The following SLC38A12 variants were observed in gnomAD, a reference collection of about 807,000 sequenced individuals.
The protein encoded by SLC38A12 is solute carrier family 38 member 12, also known as putative sodium-coupled neutral amino acid transporter 12.
At chr17:74,838,862 T>C in the SLC38A12 span, 1 of 1,531,208 alleles carries the variant, frequency 6.5e-7, no homozygotes, top group Non-Finnish European at 8.7e-7. Flanking sequence ...GTAGGCAAGC[T>C]CAGCTTGTGG....
the SLC38A12 span, chr17:74,777,326 T>C: frequency 6.2e-7 from 1 of 1,614,226 alleles, no homozygotes; most frequent in East Asian, 2.2e-5. Flanking sequence ...TCCTCACTTT[T>C]GGAAATGGCG....
At chr17:74,817,564 A>G in the SLC38A12 span, among the ~76,000 whole-genome samples, 5 of 152,192 alleles carry the variant, frequency 3.3e-5, no homozygotes, top group Admixed American at 2.6e-4. Context: ...AATACCTTTC[A>G]GAGGTACATC....
the SLC38A12 span, among the ~76,000 whole-genome samples, chr17:74,782,213 G>A: frequency 6.4e-4 from 98 of 152,176 alleles, no homozygotes; most frequent in African/African-American, 2.4e-4. Flanking sequence ...GATTACAGGC[G>A]TGCACCATCA....
At chr17:74,786,377 C>T in the SLC38A12 span, among the ~76,000 whole-genome samples, 1 of 152,310 alleles carries the variant, frequency 6.6e-6, no homozygotes, top group Non-Finnish European at 1.5e-5. Context: ...GAGAGGTGAC[C>T]CTGCCCCATC....
the SLC38A12 span, chr17:74,777,432 G>C: frequency 6.2e-7 from 1 of 1,611,894 alleles, no homozygotes; most frequent in East Asian, 2.2e-5. Flanking sequence ...TTCTAGAAAA[G>C]CACATTGCTT....
At chr17:74,825,374 G>T in the SLC38A12 span, among the ~76,000 whole-genome samples, 1 of 152,218 alleles carries the variant, frequency 6.6e-6, no homozygotes, top group African/African-American at 2.4e-5. Flanking sequence ...TTTTATTCTT[G>T]GTTTTCTAGA....
At chr17:74,834,540 G>A in the SLC38A12 span, among the ~76,000 whole-genome samples, 1 of 152,172 alleles carries the variant, frequency 6.6e-6, no homozygotes, top group Admixed American at 6.5e-5. Flanking sequence ...GTTTCCTGTG[G>A]GTCCCATCAG....
the SLC38A12 span, among the ~76,000 whole-genome samples, chr17:74,787,628 CAAAA>C: frequency 1.5e-5 from 2 of 129,336 alleles, no homozygotes; most frequent in Non-Finnish European, 3.3e-5. Flanking sequence ...GACTCCGTCT[CAAAA>C]AAAAAAAAAA....
chr17:74,833,737 C>T, the SLC38A12 span, among the ~76,000 whole-genome samples: 2 of 152,198 alleles, frequency 1.3e-5, no homozygotes, highest in African/African-American at 4.8e-5. Flanking sequence ...TCTCCACTTG[C>T]CTTTTTCTAA....
At chr17:74,827,327 G>A in the SLC38A12 span, among the ~76,000 whole-genome samples, 3 of 144,756 alleles carry the variant, frequency 2.1e-5, no homozygotes, top group Non-Finnish European at 4.5e-5. This position sits in a 1 kb window ranked among gnomAD's most constrained non-coding sequence, Gnocchi z 4.7. Flanking sequence ...ACAGAGTCTC[G>A]CTCTGTCGCC....
the SLC38A12 span, among the ~76,000 whole-genome samples, chr17:74,807,113 A>T: frequency 1.4e-5 from 1 of 73,906 alleles, no homozygotes; most frequent in Non-Finnish European, 2.8e-5. Context: ...ACACCCCCCC[A>T]CCCCACCCCG....
chr17:74,795,093 C>T, the SLC38A12 span: 1 of 1,614,150 alleles, frequency 6.2e-7, no homozygotes, highest in Non-Finnish European at 8.5e-7. Flanking sequence ...GTGCCCTTCT[C>T]CCTCATGCAG....
chr17:74,789,615 G>A, the SLC38A12 span, among the ~76,000 whole-genome samples: 1 of 151,542 alleles, frequency 6.6e-6, no homozygotes. Flanking sequence ...GGAGGCCGAG[G>A]TGGGTGGATC....
the SLC38A12 span, among the ~76,000 whole-genome samples, chr17:74,827,604 A>T: frequency 1.3e-5 from 2 of 152,098 alleles, no homozygotes; most frequent in Non-Finnish European, 2.9e-5. The surrounding 1 kb of genome is among the most constrained non-coding windows in gnomAD (Gnocchi z 4.7). Flanking sequence ...CCGCATCTGC[A>T]TTTTTAAAGG....
At chr17:74,830,407 T>TGAGGACAGATGTGGAGGC in the SLC38A12 span, among the ~76,000 whole-genome samples, 1 of 152,298 alleles carries the variant, frequency 6.6e-6, no homozygotes, top group African/African-American at 2.4e-5. Flanking sequence ...AGAGAGGCCG[T>TGAGGACAGATGTGGAGGC]GAGGACAGAT....
chr17:74,819,795 C>T, the SLC38A12 span: 1 of 1,614,120 alleles, frequency 6.2e-7, no homozygotes, highest in Admixed American at 1.7e-5. Flanking sequence ...CTTTGACGTC[C>T]AGAAGACCAA....
chr17:74,795,756 T>C, the SLC38A12 span: 4 of 749,146 alleles, frequency 5.3e-6, no homozygotes, highest in South Asian at 5.4e-5. Flanking sequence ...TTCTCCACAC[T>C]CTGGCTAAGC....
At chr17:74,782,432 G>A in the SLC38A12 span, among the ~76,000 whole-genome samples, 4 of 152,116 alleles carry the variant, frequency 2.6e-5, no homozygotes, top group Non-Finnish European at 5.9e-5. Flanking sequence ...TTCAAGGGCC[G>A]TATCTGTCTG....
the SLC38A12 span, among the ~76,000 whole-genome samples, chr17:74,796,447 G>A: frequency 6.6e-6 from 1 of 152,190 alleles, no homozygotes. Flanking sequence ...AGGCTTTTCA[G>A]GGAGCTGGCC....
Sources: gnomAD v4.1 joint callset for allele counts (sites outside exome capture counted in the v4.1 genomes callset) on GRCh38, gnomAD v4.1.1 for gene constraint, Gnocchi (gnomAD v3.1) non-coding constraint, MANE v1.5 for transcripts, NCBI Gene and HGNC (gene_info 2026-07-23, HGNC 2026-07-21) for gene names.